The following PIERCE2 variants were observed in gnomAD, a reference collection of about 807,000 sequenced individuals.
The protein encoded by PIERCE2 is piercer of microtubule wall 2.
At chr15:55,418,426 GT>G in the PIERCE2 span, 1 of 1,526,554 alleles carries the variant, frequency 6.6e-7, no homozygotes, top group African/African-American at 1.4e-5. Context: ...CTATTCCACA[GT>G]TTTTCCCCTG....
the PIERCE2 span, among the ~76,000 whole-genome samples, chr15:55,415,738 C>T: frequency 5.3e-5 from 8 of 152,214 alleles, no homozygotes; most frequent in Admixed American, 4.6e-4. Context: ...ATAACATAAC[C>T]GATTAGGTCA....
At chr15:55,414,332 C>A in the PIERCE2 span, among the ~76,000 whole-genome samples, 1 of 151,604 alleles carries the variant, frequency 6.6e-6, no homozygotes, top group Admixed American at 6.6e-5. Flanking sequence ...GCCTCAGCCT[C>A]CCGAGTAGCT....
At chr15:55,413,779 AGAC>A in the PIERCE2 span, among the ~76,000 whole-genome samples, 2 of 143,168 alleles carry the variant, frequency 1.4e-5, no homozygotes, top group African/African-American at 2.8e-5. Flanking sequence ...AAAAAAAAAA[AGAC>A]TGTTTTTATG....
the PIERCE2 span, among the ~76,000 whole-genome samples, chr15:55,415,594 G>A: frequency 2.0e-5 from 3 of 151,972 alleles, no homozygotes; most frequent in South Asian, 2.1e-4. Context: ...AAGGGGGTCC[G>A]CGTGAGAGAG....
chr15:55,413,185 G>A, the PIERCE2 span, among the ~76,000 whole-genome samples: 4 of 150,952 alleles, frequency 2.6e-5, no homozygotes, highest in South Asian at 4.2e-4. Flanking sequence ...GGAGAATGGC[G>A]TAAACCCAGG....
At chr15:55,415,903 G>C in the PIERCE2 span, among the ~76,000 whole-genome samples, 1 of 151,934 alleles carries the variant, frequency 6.6e-6, no homozygotes, top group Non-Finnish European at 1.5e-5. Flanking sequence ...TAGTATTTTT[G>C]GCATTAGCAT....
the PIERCE2 span, among the ~76,000 whole-genome samples, chr15:55,414,462 C>A: frequency 6.6e-6 from 1 of 151,902 alleles, no homozygotes; most frequent in Non-Finnish European, 1.5e-5. Context: ...CCACCGCACT[C>A]GGCCTAGAAA....
At chr15:55,409,337 A>C in the PIERCE2 span, among the ~76,000 whole-genome samples, 1 of 152,162 alleles carries the variant, frequency 6.6e-6, no homozygotes, top group Non-Finnish European at 1.5e-5. Flanking sequence ...CCTGGGAGGC[A>C]GAGGTTGCAG....
At chr15:55,413,456 C>T in the PIERCE2 span, among the ~76,000 whole-genome samples, 2 of 151,780 alleles carry the variant, frequency 1.3e-5, no homozygotes, top group African/African-American at 4.8e-5. Flanking sequence ...TTAAAAGCTG[C>T]CCTTTAAGAA....
chr15:55,416,633 C>A, the PIERCE2 span, among the ~76,000 whole-genome samples: 6 of 151,990 alleles, frequency 3.9e-5, no homozygotes, highest in African/African-American at 1.5e-4. Flanking sequence ...ATCATGAGAT[C>A]CTGTGAATTC....
the PIERCE2 span, among the ~76,000 whole-genome samples, chr15:55,414,947 AATTT>A: frequency 6.6e-6 from 1 of 152,286 alleles, no homozygotes. Flanking sequence ...CTCAAAGTGA[AATTT>A]ATTAAACAAA....
At chr15:55,408,736 CTT>C in the PIERCE2 span, 1 of 1,519,796 alleles carries the variant, frequency 6.6e-7, no homozygotes, top group South Asian at 1.2e-5. Context: ...TGAAAACTGA[CTT>C]TGCCGAAAAA....
the PIERCE2 span, among the ~76,000 whole-genome samples, chr15:55,414,616 C>T: frequency 3.9e-5 from 6 of 152,214 alleles, no homozygotes; most frequent in African/African-American, 2.4e-5. Flanking sequence ...TGGTGGCTCA[C>T]GCCTGTAATC....
chr15:55,410,679 A>G, the PIERCE2 span: 1 of 152,256 alleles, frequency 6.6e-6, no homozygotes, highest in Admixed American at 6.5e-5. Context: ...AAGAGTTCTC[A>G]GTGACTGAAG....
the PIERCE2 span, among the ~76,000 whole-genome samples, chr15:55,415,807 T>G: frequency 6.6e-6 from 1 of 152,110 alleles, no homozygotes; most frequent in Non-Finnish European, 1.5e-5. Context: ...GCCTGTGGAT[T>G]TCATTTCTGC....
chr15:55,417,396 C>A, the PIERCE2 span, among the ~76,000 whole-genome samples: 1 of 152,002 alleles, frequency 6.6e-6, no homozygotes, highest in Non-Finnish European at 1.5e-5. Flanking sequence ...AGATAAGAAC[C>A]CCCATTCTGT....
chr15:55,408,860 C>T, the PIERCE2 span: 2 of 1,076,592 alleles, frequency 1.9e-6, no homozygotes, highest in Non-Finnish European at 2.7e-6. Context: ...CCACCTACTC[C>T]TACCACCCCC....
the PIERCE2 span, chr15:55,418,119 A>G: frequency 6.3e-7 from 1 of 1,583,112 alleles, no homozygotes; most frequent in Non-Finnish European, 8.5e-7. Flanking sequence ...CAATGCCCTC[A>G]AGAGAACAGA....
the PIERCE2 span, among the ~76,000 whole-genome samples, chr15:55,412,242 G>GAAA: frequency 6.6e-6 from 1 of 152,106 alleles, no homozygotes; most frequent in Non-Finnish European, 1.5e-5. Context: ...AAATAAAGGT[G>GAAA]AAATGATAAA....
Sources: gnomAD v4.1 joint callset for allele counts (sites outside exome capture counted in the v4.1 genomes callset) on GRCh38, gnomAD v4.1.1 for gene constraint, MANE v1.5 for transcripts, NCBI Gene and HGNC (gene_info 2026-07-23, HGNC 2026-07-21) for gene names.